MDGA2: variants seen among roughly 807,000 people sequenced by gnomAD.
MDGA2 encodes MAM domain containing glycosylphosphatidylinositol anchor 2.
A neutral mutation model predicts 117.8 loss-of-function variants in MDGA2; 40 were observed. The observed-to-expected ratio is 0.34, with a 90% CI of 0.26 to 0.44. The LOEUF (loss-of-function observed/expected upper bound fraction) is 0.44, where lower values mean the gene tolerates loss of function less well. Among genes scored for constraint, MDGA2 ranks in the 20% least tolerant of loss-of-function variants. The pLI is 1.00. For missense variants in MDGA2, 1,123 were observed against 1,250.6 expected, an observed-to-expected ratio of 0.90 and a Z score of 1.54; for synonymous variants, 452 against 439.0, an observed-to-expected ratio of 1.03 and a Z score of -0.37.
chr14:47,074,172 T>G (rs1264191405), intron 6 of MDGA2, among the ~76,000 whole-genome samples: 1 of 152,164 alleles, frequency 6.6e-6, no homozygotes, highest in African/African-American at 2.4e-5. Flanking sequence ...ACAGAAAGTC[T>G]TTCCTCAACT....
chr14:47,306,072 C>T (rs1237042400), intron 1 of MDGA2: 1 of 152,154 alleles, frequency 6.6e-6, no homozygotes, highest in East Asian at 1.9e-4. Context: ...TCATTTACTC[C>T]ATACCTTGCC....
chr14:46,867,395 G>A (rs1466988226), intron 14 of MDGA2, among the ~76,000 whole-genome samples: 1 of 152,044 alleles, frequency 6.6e-6, no homozygotes, highest in Non-Finnish European at 1.5e-5. Context: ...ACTGTTGTGG[G>A]GTGGGGGGAG....
chr14:46,919,985 A>G (rs748808833), intron 10 of MDGA2, 27 bp downstream of exon 10: 1 of 1,552,616 alleles, frequency 6.4e-7, no homozygotes, highest in Non-Finnish European at 8.7e-7. Flanking sequence ...ACCACAAAGA[A>G]AAAAGGACAT....
At chr14:47,119,169 G>GCTCCCCCCCCCCC (rs1225981074) in intron 5 of MDGA2, among the ~76,000 whole-genome samples, 1 of 19,400 alleles carries the variant, frequency 5.2e-5, no homozygotes, top group African/African-American at 1.4e-4. Flanking sequence ...TCCTGCCTCA[G>GCTCCCCCCCCCCC]CCCCGCCCCC....
intron 7 of MDGA2, among the ~76,000 whole-genome samples, chr14:47,046,072 G>A (rs1226626000): frequency 4.6e-5 from 7 of 151,650 alleles, no homozygotes; most frequent in African/African-American, 1.2e-4. Context: ...GTTAATGGGT[G>A]CAGCACACCA....
intron 2 of MDGA2, among the ~76,000 whole-genome samples, chr14:47,266,548 AT>A (rs983379963): frequency 3.3e-5 from 5 of 152,152 alleles, no homozygotes; most frequent in Non-Finnish European, 1.5e-5. Context: ...TTAAAATCTG[AT>A]TCTGTCAATA....
chr14:47,079,952 C>T (rs945159463), intron 6 of MDGA2, among the ~76,000 whole-genome samples: 3 of 151,978 alleles, frequency 2.0e-5, no homozygotes, highest in South Asian at 2.1e-4. Flanking sequence ...AGGATGGTCT[C>T]GATCTCCTGA....
At chr14:46,909,285 A>G (rs1883609207) in intron 10 of MDGA2, among the ~76,000 whole-genome samples, 1 of 152,204 alleles carries the variant, frequency 6.6e-6, no homozygotes, top group African/African-American at 2.4e-5. Context: ...AATATATTCA[A>G]TCAAATATTG....
At chr14:47,192,625 AAAAT>A (rs1247791056) in intron 3 of MDGA2, among the ~76,000 whole-genome samples, 3 of 152,134 alleles carry the variant, frequency 2.0e-5, no homozygotes, top group South Asian at 2.1e-4. Context: ...TCTCAAAAAT[AAAAT>A]AAATAAATAA....
intron 3 of MDGA2, among the ~76,000 whole-genome samples, chr14:47,213,984 C>T (rs1245466026): frequency 6.6e-6 from 1 of 152,222 alleles, no homozygotes; most frequent in Middle Eastern, 3.4e-3. Context: ...TAGTAGCCAG[C>T]TTCTTCACAA....
chr14:47,186,020 T>C (rs1373196796), intron 3 of MDGA2, among the ~76,000 whole-genome samples: 1 of 151,590 alleles, frequency 6.6e-6, no homozygotes, highest in African/African-American at 2.4e-5. Context: ...GTACATATGT[T>C]CATACCATCA....
intron 1 of MDGA2, among the ~76,000 whole-genome samples, chr14:47,575,609 TA>T (rs1255277524): frequency 6.6e-6 from 1 of 152,156 alleles, no homozygotes; most frequent in Non-Finnish European, 1.5e-5. Flanking sequence ...CATTAGAAAA[TA>T]AAACTTTGGA....
intron 8 of MDGA2, among the ~76,000 whole-genome samples, chr14:46,998,309 T>G (rs1471015459): frequency 6.6e-6 from 1 of 151,976 alleles, no homozygotes; most frequent in African/African-American, 2.4e-5. Flanking sequence ...AAAATAATAA[T>G]TTATCTGTCT....
chr14:47,219,607 A>G (rs1886225008), intron 2 of MDGA2, among the ~76,000 whole-genome samples: 1 of 152,024 alleles, frequency 6.6e-6, no homozygotes, highest in African/African-American at 2.4e-5. Context: ...TTACTAACAT[A>G]TTTGCAAAAT....
At position 47,295,739 on chromosome 14, in the gene MDGA2, A is replaced by G. The variant is rs189345859; in HGVS notation, c.420+5672T>C. Among the ~76,000 whole-genome samples, 12 of 152,174 alleles carry G rather than the reference A, an allele frequency of 7.9e-5. No homozygotes were observed. The East Asian group carries it at 2.1e-3, about 27-fold the overall frequency. On this transcript the variant is annotated intron_variant, in intron 2 of 16. Transcript: ENST00000399232. ...GCCTACATGGGGAAACTGGGTCTTT[A>G]TTAAAAATACAAAAATTATTAGGGG...
intron 3 of MDGA2, among the ~76,000 whole-genome samples, chr14:47,191,305 C>T (rs1885103891): frequency 6.6e-6 from 1 of 151,098 alleles, no homozygotes; most frequent in Non-Finnish European, 1.5e-5. Flanking sequence ...TTTAAAGACT[C>T]AATAAAATTA....
intron 2 of MDGA2, among the ~76,000 whole-genome samples, chr14:47,294,737 A>T (rs903625954): frequency 6.6e-6 from 1 of 152,184 alleles, no homozygotes; most frequent in Non-Finnish European, 1.5e-5. Flanking sequence ...ATCAGAAAAA[A>T]GTATAGGAAT....
At chr14:47,525,147 G>A (rs1894945202) in intron 1 of MDGA2, among the ~76,000 whole-genome samples, 1 of 152,092 alleles carries the variant, frequency 6.6e-6, no homozygotes, top group Non-Finnish European at 1.5e-5. Flanking sequence ...TCTGTCCTCT[G>A]GATAACACAG....
At chr14:47,313,172 C>T in intron 1 of MDGA2, among the ~76,000 whole-genome samples, 1 of 152,028 alleles carries the variant, frequency 6.6e-6, no homozygotes, top group Non-Finnish European at 1.5e-5. Context: ...GTGATGAGAT[C>T]ATGTTTTTGT....
Sources: allele counts gnomAD v4.1 joint callset (sites outside exome capture counted in the v4.1 genomes callset), GRCh38; gene constraint gnomAD v4.1.1; transcripts MANE v1.5; gene names NCBI Gene and HGNC (gene_info 2026-07-23, HGNC 2026-07-21).